Variants in SNRNP35 observed in about 807,000 individuals in gnomAD.
SNRNP35 encodes U11/U12 small nuclear ribonucleoprotein 35 kDa protein.
In SNRNP35, 16 loss-of-function variants were observed where a neutral mutation model predicts 24.3. The observed-to-expected ratio is 0.66, with a 90% CI of 0.45 to 1.00. SNRNP35 has a LOEUF of 1.00. Among genes scored for constraint, SNRNP35 ranks in the 50% least tolerant of loss-of-function variants. The probability of loss-of-function intolerance (pLI) is 0.00; values close to 1 mark genes in which losing one functional copy is unlikely to be tolerated. For synonymous variants in SNRNP35, 106 were observed against 124.8 expected (o/e 0.85, Z 1.00); for missense variants, 292 against 327.2 (o/e 0.89, Z 0.83).
chr12:123,472,367 T>A, exon 2 of SNRNP35: 1 of 635,098 alleles, frequency 1.6e-6, no homozygotes, highest in Non-Finnish European at 2.7e-6. Context: ...CTTTAGAGTT[T>A]GGCGTCAGTT....
downstream of SNRNP35, among the ~76,000 whole-genome samples, chr12:123,468,576 C>T (rs1187972807): frequency 6.6e-6 from 1 of 151,522 alleles, no homozygotes; most frequent in East Asian, 1.9e-4. Flanking sequence ...TGTAGTCCCA[C>T]CTACTTGGGA....
chr12:123,466,113 A>G lies in SNRNP35; in HGVS notation c.573A>G (p.Glu191=). ...GGCGGGAGCGATCTCGATCCCGAGA[A>G]AGACACTGGGACTCGAGGACAAGGG... ...RERRERSRSR[E]RHWDSRTRDR... The change falls in exon 2 of 2, where the codon GAA becomes GAG. Residue 191 remains glutamate (E), a synonymous_variant. Coordinates refer to ENST00000526639, the MANE Select transcript of SNRNP35 (RefSeq NM_022717.4). 1 of 1,612,370 alleles carries G rather than the reference A, an allele frequency of 6.2e-7. No individual in the cohort carries two copies. Among genetic ancestry groups the G allele is most frequent in the East Asian group, 2.2e-5 (1 of 44,866 alleles).
At chr12:123,463,381 CTTCT>C (rs1880739957) in intron 1 of SNRNP35, among the ~76,000 whole-genome samples, 1 of 147,884 alleles carries the variant, frequency 6.8e-6, no homozygotes, top group African/African-American at 2.5e-5. Flanking sequence ...TTTTTTCTTT[CTTCT>C]TTCTTTTTTT....
In SNRNP35 at chr12:123,472,665, C is replaced by T. The variant is rs752251539; in HGVS notation, n.1672C>T. 1.1e-5 allele frequency: 17 copies of T among 1,598,384 alleles called. No individual in the cohort carries two copies. The highest frequency in any genetic ancestry group is 8.0e-5 in the African/African-American group (6 of 74,672). On this transcript the variant is annotated non_coding_transcript_exon_variant, in exon 2 of 2. Coordinates refer to the SNRNP35 transcript ENST00000527158. The stretch of plus-strand genomic sequence containing the variant: ...TGTGTTGGCCAGGCGCTTCTTATCT[C>T]GGGAGAAGAAGCTAAACCTTTGGAA...
At chr12:123,459,885 A>G (rs757865952) in intron 1 of SNRNP35, 2 of 1,594,476 alleles carry the variant, frequency 1.3e-6, no homozygotes, top group Non-Finnish European at 1.7e-6. Context: ...ATTAATGAGA[A>G]ACAATGAAAC....
At position 123,466,414 on chromosome 12, in the gene SNRNP35, C is replaced by T; in HGVS notation, c.*133C>T. ...CATGGGGTTTGGAATAGTTTTCTTT[C>T]CAATCTGGAACTTCGGTTCAAGCTG... On this transcript the variant is annotated 3_prime_UTR_variant, in exon 2 of 2. Transcript: ENST00000526639. 1.0e-6 allele frequency: 1 copy of T among 959,710 alleles called. No homozygotes were observed. The highest frequency in any genetic ancestry group is 2.6e-5 in the East Asian group (1 of 38,444). 59.4% of individuals were successfully genotyped at this position (959,710 alleles called of 1,614,324 possible).
At position 123,465,576 on chromosome 12, in the gene SNRNP35, T is replaced by C; in HGVS notation, c.36T>C (p.Asp12=). ...GGATGCCCATCGCCAAGGAGTATGA[T>C]CCACTCAAAGCGGGCAGCATTGATG... The part of the protein sequence containing the change: ...NDWMPIAKEY[D]PLKAGSIDGT... The change falls in exon 2 of 2, where the codon GAT becomes GAC. Residue 12 remains aspartate, a synonymous_variant. Transcript: ENST00000526639. The surrounding 1 kb of genome is among the most constrained non-coding windows in gnomAD (Gnocchi z 4.2). The C allele has an allele frequency of 1.9e-6, 3 of 1,579,434 alleles. No individual in the cohort carries two copies. Among genetic ancestry groups the C allele is most frequent in the Non-Finnish European group, 1.7e-6 (2 of 1,163,942 alleles).
In SNRNP35 at chr12:123,465,865, T is replaced by TA; in HGVS notation, c.326dup (p.Tyr109Ter). ...GGAGGAGCGTGCCGTGATCAAAGCT[T>TA]ACCGAGATGCTGATGGCCTGGTTAT... ...YKEERAVIKA[Y>*]RDADGLVIDQ... The change falls in exon 2 of 2, where the codon TAC becomes TAAC. Residue 109 changes from tyrosine (Y) to a stop codon, truncating the protein, a stop_gained and frameshift_variant. Transcript: ENST00000526639. LOFTEE classifies it high-confidence loss of function. This position sits in a 1 kb window ranked among gnomAD's most constrained non-coding sequence, Gnocchi z 4.2. The TA allele has an allele frequency of 6.2e-7, 1 of 1,613,960 alleles. No individual in the cohort carries two copies. Among genetic ancestry groups the TA allele is most frequent in the Non-Finnish European group, 8.5e-7 (1 of 1,180,010 alleles).
intron 1 of SNRNP35, among the ~76,000 whole-genome samples, chr12:123,460,334 A>G (rs1006555183): frequency 6.6e-6 from 1 of 152,124 alleles, no homozygotes; most frequent in African/African-American, 2.4e-5. Context: ...CCCTGGTTCT[A>G]ACTCCTCCAC....
intron 1 of SNRNP35, among the ~76,000 whole-genome samples, chr12:123,460,133 C>G (rs1880525091): frequency 6.6e-6 from 1 of 152,096 alleles, no homozygotes; most frequent in Admixed American, 6.6e-5. Flanking sequence ...CACCGGGCCC[C>G]TTGTGACTTT....
At chr12:123,472,521 G>A in exon 2 of SNRNP35, 1 of 1,550,432 alleles carries the variant, frequency 6.4e-7, no homozygotes, top group Non-Finnish European at 8.7e-7. Context: ...AGGTTGGAGG[G>A]TGGAGATGGG....
intron 1 of SNRNP35, among the ~76,000 whole-genome samples, chr12:123,460,982 T>TTAA (rs1555262400): frequency 7.2e-5 from 9 of 125,534 alleles, no homozygotes; most frequent in African/African-American, 1.7e-4. Context: ...TTTTTTTTTT[T>TTAA]AAAAACAGAG....
exon 2 of SNRNP35, chr12:123,472,070 C>T (rs565365887): frequency 4.2e-5 from 7 of 167,874 alleles, no homozygotes; most frequent in South Asian, 3.0e-4. Context: ...CTGTATAATA[C>T]GTTACCATCA....
At chr12:123,472,752 G>T in exon 2 of SNRNP35, 1 of 1,518,822 alleles carries the variant, frequency 6.6e-7, no homozygotes. Context: ...TTTTTGCAAT[G>T]CCGGAGACAT....
exon 2 of SNRNP35, chr12:123,472,384 T>G (rs1331277421): frequency 4.0e-6 from 3 of 744,138 alleles, no homozygotes; most frequent in Non-Finnish European, 6.4e-6. Flanking sequence ...AGTTTTTCAA[T>G]GTCCATCCTC....
intron 1 of SNRNP35, among the ~76,000 whole-genome samples, chr12:123,461,919 G>A (rs535318406): frequency 2.6e-5 from 4 of 151,782 alleles, no homozygotes; most frequent in East Asian, 1.9e-4. Context: ...ATGGGGTTTC[G>A]CTATGTTGCT....
rs370461612 is a variant in SNRNP35 at position 123,466,254 on chromosome 12, G to A, written c.714G>A (p.Gly238=). The part of the protein sequence containing the change: ...ERDFRDDRIK[G]REKKERGK ...ACTTCAGAGATGACAGGATCAAGGG[G>A]AGGGAGAAGAAGGAAAGAGGCAAGT... Residue 238 remains glycine, a synonymous_variant, in exon 2 of 2, where the codon GGG becomes GGA. Transcript: ENST00000526639. 4.1e-5 allele frequency: 63 copies of A among 1,524,728 alleles called. No individual in the cohort carries two copies. Among genetic ancestry groups the A allele is most frequent in the Admixed American group, 3.2e-4 (14 of 44,368 alleles). The allele number at this position is 1,524,728 out of a possible 1,614,324, so 94.4% of individuals were successfully genotyped here.
intron 1 of SNRNP35, chr12:123,464,871 A>G (rs1037824743): frequency 7.2e-5 from 11 of 152,266 alleles, no homozygotes; most frequent in African/African-American, 2.7e-4. Context: ...TTACTACAGA[A>G]TGGTGCATCC....
intron 1 of SNRNP35, among the ~76,000 whole-genome samples, chr12:123,462,631 G>A (rs1246584432): frequency 1.3e-5 from 2 of 151,732 alleles, no homozygotes; most frequent in African/African-American, 4.8e-5. Context: ...TGAGACTACA[G>A]GGTGTGCACC....
Sources: allele counts gnomAD v4.1 joint callset (sites outside exome capture counted in the v4.1 genomes callset), GRCh38; gene constraint gnomAD v4.1.1; non-coding constraint Gnocchi (gnomAD v3.1); transcripts MANE v1.5; gene names NCBI Gene and HGNC (gene_info 2026-07-23, HGNC 2026-07-21).